RNF20: variants seen among roughly 807,000 people sequenced by gnomAD.
The protein encoded by RNF20 is E3 ubiquitin-protein ligase BRE1A.
Under a neutral mutation model 126.2 loss-of-function variants are expected in RNF20, and 84 were observed. The observed-to-expected ratio is 0.67, with a 90% CI of 0.56 to 0.80. The LOEUF (loss-of-function observed/expected upper bound fraction) is 0.80. Among genes scored for constraint, RNF20 ranks in the 30% least tolerant of loss-of-function variants. The pLI, the probability that RNF20 is intolerant of heterozygous loss-of-function variation, is 0.00. For missense variants in RNF20, 869 were observed against 1,188.2 expected, an observed-to-expected ratio of 0.73 and a Z score of 3.95; for synonymous variants, 400 against 414.3, an observed-to-expected ratio of 0.97 and a Z score of 0.42.
chr9:101,544,905 A>C lies in RNF20; in HGVS notation c.747+20A>C, dbSNP rs1401542479. The stretch of plus-strand genomic sequence containing the variant: ...CAGGAGGTACTTAACCAAAAAGGAG[A>C]GATGGCTGTGTCTAGTGGGCTGTGG... On this transcript the variant is annotated intron_variant, in intron 6 of 19. Coordinates refer to ENST00000389120, the MANE Select transcript of RNF20 (RefSeq NM_019592.7). 1 of 1,456,286 alleles carries C rather than the reference A, an allele frequency of 6.9e-7. No homozygotes were observed. Among genetic ancestry groups the C allele is most frequent in the South Asian group, 1.1e-5 (1 of 87,958 alleles). 90.2% of individuals were successfully genotyped at this position (1,456,286 alleles called of 1,614,324 possible).
At chr9:101,558,338 G>A (rs1827570053) in intron 16 of RNF20, among the ~76,000 whole-genome samples, 2 of 152,026 alleles carry the variant, frequency 1.3e-5, no homozygotes, top group Non-Finnish European at 2.9e-5. Flanking sequence ...AATTCCATCC[G>A]GATTGCTGTG....
At chr9:101,539,558 A>G (rs141524538) in intron 2 of RNF20, among the ~76,000 whole-genome samples, 64 of 152,298 alleles carry the variant, frequency 4.2e-4, no homozygotes, top group African/African-American at 1.5e-3. Flanking sequence ...GGATTGGTAT[A>G]TTGGGTTAAG....
intron 1 of RNF20, among the ~76,000 whole-genome samples, chr9:101,535,065 G>A (rs1300928186): frequency 1.3e-5 from 2 of 151,620 alleles, no homozygotes; most frequent in Non-Finnish European, 1.5e-5. Context: ...CCGCCACCAC[G>A]CCTGGCTAAT....
At chr9:101,556,626 A>G (rs541711245) in intron 15 of RNF20, among the ~76,000 whole-genome samples, 2 of 152,162 alleles carry the variant, frequency 1.3e-5, no homozygotes, top group Non-Finnish European at 2.9e-5. Context: ...TGGAGTGGAG[A>G]CCTTTCTATG....
At chr9:101,554,145 C>CCCACAAATGAAGAT in intron 14 of RNF20, 40 bp downstream of exon 14, 1 of 1,170,978 alleles carries the variant, frequency 8.5e-7, no homozygotes, top group Non-Finnish European at 1.3e-6. Context: ...TGGTTAAAAT[C>CCCACAAATGAAGAT]TTCATTTGTG....
In RNF20 at chr9:101,552,699, A is replaced by C; in HGVS notation, c.1847A>C (p.Asp616Ala). 1 of 1,583,802 alleles carries C rather than the reference A, an allele frequency of 6.3e-7. No individual in the cohort carries two copies. The highest frequency in any genetic ancestry group is 8.7e-7 in the Non-Finnish European group (1 of 1,153,184). Residue 616 changes from aspartate to alanine, a missense_variant, in exon 13 of 20, where the codon GAT becomes GCT. By Grantham distance (126) the Asp-to-Ala change is moderately radical. Coordinates refer to ENST00000389120, the MANE Select transcript of RNF20 (RefSeq NM_019592.7). The part of the protein sequence containing the change: ...SAKDKEKGKH[D>A]DGRKKEAEII... ...AAGGATAAAGAGAAAGGCAAACATG[A>C]TGATGGACGGAAAAAGGAAGCAGAA... is the stretch of plus-strand genomic sequence containing the variant.
chr9:101,553,645 T>G (rs746338991), intron 13 of RNF20, among the ~76,000 whole-genome samples: 4 of 152,150 alleles, frequency 2.6e-5, no homozygotes, highest in African/African-American at 4.8e-5. Context: ...ATCACTTGTT[T>G]AAATTTTTGA....
intron 9 of RNF20, among the ~76,000 whole-genome samples, chr9:101,549,992 G>C (rs1022554157): frequency 9.2e-5 from 14 of 151,830 alleles, no homozygotes; most frequent in Admixed American, 9.2e-4. Flanking sequence ...CTCTTGCCTC[G>C]GCACCTGGGT....
rs996229129 is a variant in RNF20 at position 101,563,163 on chromosome 9, G to A, written c.*741G>A. The A allele has an allele frequency of 6.6e-6, 1 of 152,610 alleles. No individual in the cohort carries two copies. The allele number at this position is 152,610 out of a possible 1,614,324, so 9.5% of individuals were successfully genotyped here. ...GAAGAGGTTGAGTCAGGACTGAGCT[G>A]GTGAAGAAATCTTGTGGGTATTCTG... On this transcript the variant is annotated 3_prime_UTR_variant, in exon 20 of 20. Transcript: ENST00000389120.
intron 6 of RNF20, among the ~76,000 whole-genome samples, chr9:101,545,724 G>A (rs898011620): frequency 5.9e-5 from 9 of 152,174 alleles, no homozygotes; most frequent in African/African-American, 2.2e-4. Context: ...AAATAAACTG[G>A]AGTCTAGTAA....
intron 16 of RNF20, among the ~76,000 whole-genome samples, chr9:101,557,851 T>G (rs1341229517): frequency 6.6e-6 from 1 of 152,174 alleles, no homozygotes; most frequent in East Asian, 1.9e-4. Context: ...GTGACGTGTT[T>G]TGTTATCCTT....
intron 9 of RNF20, among the ~76,000 whole-genome samples, chr9:101,549,156 C>T (rs1211877489): frequency 6.6e-6 from 1 of 152,188 alleles, no homozygotes; most frequent in African/African-American, 2.4e-5. Flanking sequence ...ACCACTACCA[C>T]CAAGTTGCGG....
In RNF20 at chr9:101,540,785, G is replaced by A. The variant is rs960628674; in HGVS notation, c.446-8G>A. ...GGGGGGCTTCTTTTTTTCCCCCTGT[G>A]TCCTCAGGGGAAGGGCAAGAGCCAG... On this transcript the variant is annotated splice_polypyrimidine_tract_variant and splice_region_variant and intron_variant, in intron 4 of 19. Transcript: ENST00000389120. The A allele has an allele frequency of 3.1e-6, 5 of 1,611,224 alleles. No homozygotes were observed. The East Asian group carries it at 8.9e-5, about 29-fold the overall frequency.
At chr9:101,554,636 T>C in intron 14 of RNF20, 58 bp from the exon 15 acceptor site, 1 of 1,480,404 alleles carries the variant, frequency 6.8e-7, no homozygotes, top group African/African-American at 1.4e-5. Flanking sequence ...CAGTATTAAT[T>C]GATTTTTGAA....
intron 15 of RNF20, among the ~76,000 whole-genome samples, chr9:101,556,974 T>C (rs1827546668): frequency 6.6e-6 from 1 of 152,204 alleles, no homozygotes. Context: ...TAGATACCAG[T>C]CTTCACCTAT....
chr9:101,535,620 A>G (rs1288999925), intron 2 of RNF20, 68 bp downstream of exon 2: 10 of 1,549,442 alleles, frequency 6.5e-6, no homozygotes, highest in Non-Finnish European at 8.8e-6. Flanking sequence ...CTAAAAATTC[A>G]TGGAAGCTTT....
Position 101,540,233 on chromosome 9 carries a change from A to G in RNF20, c.160A>G (p.Lys54Glu). 1 of 1,614,156 alleles carries G rather than the reference A, an allele frequency of 6.2e-7. No individual in the cohort carries two copies. The highest frequency in any genetic ancestry group is 8.5e-7 in the Non-Finnish European group (1 of 1,179,996). Reference protein sequence around the residue: ...EELDIRTLQTKNRKLAEMLDQ... With the variant: ...EELDIRTLQTENRKLAEMLDQ... ...ACTAGACATTAGAACACTGCAAACC[A>G]AAAATCGCAAGCTGGCAGAAATGTT... The change falls in exon 3 of 20, where the codon AAA becomes GAA. Residue 54 changes from lysine (K) to glutamate (E), a missense_variant. Physicochemically the swap from Lys to Glu is moderately conservative, Grantham distance 56. Coordinates refer to ENST00000389120, the MANE Select transcript of RNF20 (RefSeq NM_019592.7).
chr9:101,558,407 T>C (rs1199198810), intron 16 of RNF20, among the ~76,000 whole-genome samples: 1 of 152,128 alleles, frequency 6.6e-6, no homozygotes, highest in African/African-American at 2.4e-5. Flanking sequence ...TGACTTTTCC[T>C]CTGGGTAGAT....
chr9:101,547,141 A>G lies in RNF20; in HGVS notation c.899A>G (p.Asn300Ser), dbSNP rs753566460. The change falls in exon 8 of 20, where the codon AAT becomes AGT. Residue 300 changes from asparagine to serine, a missense_variant. Transcript: ENST00000389120. Reference sequence around the variant, plus strand: ...GAATCTTTGTGTTCTCTGTAGGTGAATTCCAAAGGTTATAAGGTGTATGGA... The same window carrying G: ...GAATCTTTGTGTTCTCTGTAGGTGAGTTCCAAAGGTTATAAGGTGTATGGA... ...RHLAEVLERV[N>S]SKGYKVYGAG... 2.5e-6 allele frequency: 4 copies of G among 1,614,084 alleles called. No individual in the cohort carries two copies. The highest frequency in any genetic ancestry group is 1.7e-6 in the Non-Finnish European group (2 of 1,179,928).
Sources: gnomAD v4.1 joint callset for allele counts (sites outside exome capture counted in the v4.1 genomes callset) on GRCh38, gnomAD v4.1.1 for gene constraint, MANE v1.5 for transcripts, NCBI Gene and HGNC (gene_info 2026-07-23, HGNC 2026-07-21) for gene names.